L3MBTL3: variants seen among roughly 807,000 people sequenced by gnomAD.
The protein encoded by L3MBTL3 is L3MBTL histone methyl-lysine binding protein 3, also known as lethal(3)malignant brain tumor-like protein 3.
L3MBTL3 carries 27 observed loss-of-function variants against 102.3 expected under a neutral mutation model. The observed-to-expected ratio is 0.26, with a 90% confidence interval of 0.19 to 0.36. L3MBTL3 has a LOEUF of 0.36. Ranked by LOEUF, L3MBTL3 falls within the 10% of genes least tolerant of loss-of-function variation. The probability of loss-of-function intolerance (pLI) is 1.00; values close to 1 mark genes in which losing one functional copy is unlikely to be tolerated. For synonymous variants in L3MBTL3, 340 were observed against 320.9 expected, an observed-to-expected ratio of 1.06 and a Z score of -0.64; for missense variants, 798 against 955.3, an observed-to-expected ratio of 0.84 and a Z score of 2.17.
At chr6:130,105,712 CGGT>C (rs1006027546) in intron 19 of L3MBTL3, among the ~76,000 whole-genome samples, 2 of 151,172 alleles carry the variant, frequency 1.3e-5, no homozygotes, top group African/African-American at 2.4e-5. Context: ...TTGACTAAAA[CGGT>C]GGTAAGAATA....
chr6:130,033,785 G>A (rs751771817), intron 2 of L3MBTL3, among the ~76,000 whole-genome samples: 2 of 152,150 alleles, frequency 1.3e-5, no homozygotes, highest in African/African-American at 2.4e-5. Context: ...GCTATAAAAT[G>A]CAGCTCTTAA....
chr6:130,042,417 A>G (rs779634413), intron 2 of L3MBTL3, among the ~76,000 whole-genome samples: 3 of 151,914 alleles, frequency 2.0e-5, no homozygotes, highest in Non-Finnish European at 2.9e-5. Flanking sequence ...TGAATAAATG[A>G]ATTTCTTTTG....
At chr6:130,134,051 A>G (rs529799197) in intron 22 of L3MBTL3, 146 bp downstream of exon 22, 2 of 635,122 alleles carry the variant, frequency 3.1e-6, no homozygotes, top group African/African-American at 1.8e-5. Context: ...AACAGGCAGT[A>G]TGAATCAGTT....
intron 22 of L3MBTL3, chr6:130,138,514 C>G (rs1787951904): frequency 6.6e-6 from 1 of 152,180 alleles, no homozygotes; most frequent in South Asian, 2.1e-4. Context: ...GGATACCAGT[C>G]ATAATTGGAT....
chr6:130,134,671 G>T (rs1363051725), intron 22 of L3MBTL3, among the ~76,000 whole-genome samples: 1 of 152,158 alleles, frequency 6.6e-6, no homozygotes, highest in Non-Finnish European at 1.5e-5. Context: ...GTCTACTCCT[G>T]CCAGAAGGCA....
intron 8 of L3MBTL3, among the ~76,000 whole-genome samples, chr6:130,055,473 T>TCCCTCTCTCCCC (rs1781408617): frequency 6.7e-6 from 1 of 149,716 alleles, no homozygotes; most frequent in Non-Finnish European, 1.5e-5. Flanking sequence ...TCTTCCTCCC[T>TCCCTCTCTCCCC]CCCTCTCTCC....
intron 2 of L3MBTL3, among the ~76,000 whole-genome samples, chr6:130,035,219 C>T (rs1779980357): frequency 6.6e-6 from 1 of 152,204 alleles, no homozygotes; most frequent in East Asian, 1.9e-4. Flanking sequence ...TCACCACCAT[C>T]AATATATGAG....
chr6:130,040,591 AC>A (rs1780358301), intron 2 of L3MBTL3, among the ~76,000 whole-genome samples: 1 of 152,204 alleles, frequency 6.6e-6, no homozygotes, highest in South Asian at 2.1e-4. Flanking sequence ...TGTAAGTGTT[AC>A]AAAATCCTGA....
intron 22 of L3MBTL3, among the ~76,000 whole-genome samples, chr6:130,134,730 TAC>T (rs1456898041): frequency 6.6e-6 from 1 of 152,244 alleles, no homozygotes; most frequent in Non-Finnish European, 1.5e-5. Context: ...ATCTGCTGTC[TAC>T]AGTTACACGC....
In L3MBTL3 at chr6:130,120,981, T is replaced by C. The variant is rs776831318; in HGVS notation, c.1966+23T>C. On this transcript the variant is annotated intron_variant, in intron 20 of 22. Coordinates refer to ENST00000361794, the MANE Select transcript of L3MBTL3 (RefSeq NM_032438.4). ...GAGGTAGCCATAATAATTCTCATAT[T>C]ACTAATGTGTATTACTGCTAATATG... 5 of 1,445,212 alleles carry C rather than the reference T, an allele frequency of 3.5e-6. No individual in the cohort carries two copies. The East Asian group carries it at 9.1e-5, about 26-fold the overall frequency. The allele number at this position is 1,445,212 out of a possible 1,614,324, so 89.5% of individuals were successfully genotyped here. A position where few individuals can be genotyped will look rare whatever the true frequency, so the allele number is the denominator to read the frequency against.
At chr6:130,063,662 G>C (rs1258863258) in intron 10 of L3MBTL3, among the ~76,000 whole-genome samples, 1 of 150,968 alleles carries the variant, frequency 6.6e-6, no homozygotes, top group East Asian at 1.9e-4. Context: ...GAACTCACAA[G>C]TAAGAGCACT....
intron 2 of L3MBTL3, among the ~76,000 whole-genome samples, chr6:130,023,895 T>G (rs1262420059): frequency 6.6e-6 from 1 of 152,164 alleles, no homozygotes; most frequent in African/African-American, 2.4e-5. Context: ...AAAAGTAGTT[T>G]CCCTTGTATA....
chr6:130,128,831 C>T (rs1239984404), intron 20 of L3MBTL3, among the ~76,000 whole-genome samples: 1 of 152,130 alleles, frequency 6.6e-6, no homozygotes, highest in African/African-American at 2.4e-5. Flanking sequence ...CTTTAGCATA[C>T]CAGTGCATGA....
intron 10 of L3MBTL3, among the ~76,000 whole-genome samples, chr6:130,062,227 C>G (rs1482360957): frequency 6.6e-6 from 1 of 152,044 alleles, no homozygotes; most frequent in African/African-American, 2.4e-5. Context: ...TAATAAAAGT[C>G]CTGTTTCAGA....
At chr6:130,063,402 A>C (rs1782038381) in intron 10 of L3MBTL3, among the ~76,000 whole-genome samples, 1 of 152,144 alleles carries the variant, frequency 6.6e-6, no homozygotes, top group African/African-American at 2.4e-5. Context: ...ATCTAGGAGA[A>C]TTGCTAGGCA....
Position 130,028,833 on chromosome 6 carries a change from T to C in L3MBTL3, c.-16+6528T>C, listed in dbSNP as rs186236168. ...TTGATGTGTTCTCCACTGACACTTA[T>C]ATAAGGAGAGTTTCTTGGAGTGGTG... On this transcript the variant is annotated intron_variant, in intron 2 of 22. Transcript: ENST00000361794. 3.1e-4 allele frequency among the ~76,000 whole-genome samples: 47 copies of C among 152,350 alleles called. 1 individual carries two copies. The highest frequency in any genetic ancestry group is 6.5e-4 in the Admixed American group (10 of 15,302).
rs1412077038 is a variant in L3MBTL3 at position 130,086,171 on chromosome 6, A to T, written c.1439A>T (p.Lys480Met). The stretch of plus-strand genomic sequence containing the variant: ...CCTCATGGATTCCAGAAAAAAATGA[A>T]GCTTGAGGTTGTAGACAAAAGGAAC... The part of the protein sequence containing the change: ...KPPHGFQKKM[K>M]LEVVDKRNPM... The change falls in exon 16 of 23, where the codon AAG (lysine) becomes ATG (methionine). Residue 480 changes from lysine to methionine, a missense_variant. By Grantham distance (95) the Lys-to-Met change is moderately conservative. Coordinates refer to ENST00000361794, the MANE Select transcript of L3MBTL3 (RefSeq NM_032438.4). 1.9e-6 allele frequency: 3 copies of T among 1,613,162 alleles called. No individual in the cohort carries two copies. The highest frequency in any genetic ancestry group is 2.2e-5 in the South Asian group (2 of 90,892).
At chr6:130,053,653 A>G (rs577740338) in intron 7 of L3MBTL3, among the ~76,000 whole-genome samples, 1 of 152,174 alleles carries the variant, frequency 6.6e-6, no homozygotes, top group Non-Finnish European at 1.5e-5. Context: ...AAAACAAAAA[A>G]AACTATCTGA....
chr6:130,071,965 T>C (rs1294158329), intron 13 of L3MBTL3, among the ~76,000 whole-genome samples: 1 of 152,164 alleles, frequency 6.6e-6, no homozygotes, highest in Non-Finnish European at 1.5e-5. Flanking sequence ...TCATTTGCTA[T>C]TCATATTTTT....
Sources: gnomAD v4.1 joint callset for allele counts (sites outside exome capture counted in the v4.1 genomes callset) on GRCh38, gnomAD v4.1.1 for gene constraint, MANE v1.5 for transcripts, NCBI Gene and HGNC (gene_info 2026-07-23, HGNC 2026-07-21) for gene names.